Variants in NAV2 observed in about 807,000 individuals in gnomAD.
The protein encoded by NAV2 is helicase, APC down-regulated 1.
A neutral mutation model predicts 223.2 loss-of-function variants in NAV2; 54 were observed. The ratio of observed to expected loss-of-function variants is 0.24; its 90% CI spans 0.19 to 0.30. The LOEUF is 0.30. Ranked by LOEUF, NAV2 falls within the 10% of genes least tolerant of loss-of-function variation. The pLI, the probability that NAV2 is intolerant of heterozygous loss-of-function variation, is 1.00. For missense variants in NAV2, 2,806 were observed against 3,147.5 expected (o/e 0.89, Z 2.60); for synonymous variants, 1,279 against 1,239.3 (o/e 1.03, Z -0.67).
chr11:19,601,564 C>A (rs1211429233), intron 1 of NAV2, among the ~76,000 whole-genome samples: 1 of 152,028 alleles, frequency 6.6e-6, no homozygotes, highest in Non-Finnish European at 1.5e-5. Context: ...GACATGGTAC[C>A]CCATCTGGTA....
intron 1 of NAV2, among the ~76,000 whole-genome samples, chr11:19,660,732 A>G (rs910066104): frequency 5.9e-5 from 9 of 152,234 alleles, no homozygotes; most frequent in African/African-American, 1.7e-4. Context: ...ATAATATTGA[A>G]TATAATTTCT....
rs115555543 is a variant in NAV2, at chr11:19,419,527, G to A, written c.75+68500G>A. ...TGGCATGAGAAAGGAACCGTGGCAG[G>A]TGGGGCTTCGAGACCCGCTTCTCAG... is the stretch of plus-strand genomic sequence containing the variant. On this transcript the variant is annotated intron_variant, in intron 1 of 37. Transcript: ENST00000360655. 7.1e-3 allele frequency among the ~76,000 whole-genome samples: 1,087 copies of A among 152,284 alleles called. 12 individuals carry two copies. The highest frequency in any genetic ancestry group is 0.024 in the African/African-American group (1,018 of 41,554).
chr11:19,909,440 T>C (rs1310767314), intron 6 of NAV2, among the ~76,000 whole-genome samples: 1 of 152,204 alleles, frequency 6.6e-6, no homozygotes, highest in Non-Finnish European at 1.5e-5. Context: ...TTTTAAGTAA[T>C]GCCTGAGACG....
At chr11:19,826,900 C>T (rs920753401) in intron 1 of NAV2, among the ~76,000 whole-genome samples, 1 of 152,222 alleles carries the variant, frequency 6.6e-6, no homozygotes, top group African/African-American at 2.4e-5. Flanking sequence ...CACTTACCAG[C>T]CTCCTGCGGT....
At chr11:19,398,902 G>C (rs1849574230) in intron 1 of NAV2, among the ~76,000 whole-genome samples, 1 of 152,158 alleles carries the variant, frequency 6.6e-6, no homozygotes, top group Non-Finnish European at 1.5e-5. Context: ...CTGAACTCAG[G>C]GTCACTGTTG....
chr11:19,454,107 G>A (rs1311716820), intron 1 of NAV2, among the ~76,000 whole-genome samples: 6 of 152,166 alleles, frequency 3.9e-5, no homozygotes, highest in Admixed American at 6.5e-5. Flanking sequence ...AACACTCCCC[G>A]TCCCTGGAGG....
intron 11 of NAV2, among the ~76,000 whole-genome samples, chr11:20,030,107 G>T (rs925188892): frequency 6.6e-6 from 1 of 152,168 alleles, no homozygotes; most frequent in Non-Finnish European, 1.5e-5. Flanking sequence ...AGGCCGTGGG[G>T]TTGTTTTGCT....
intron 1 of NAV2, among the ~76,000 whole-genome samples, chr11:19,488,481 G>T (rs908602701): frequency 6.6e-6 from 1 of 152,144 alleles, no homozygotes; most frequent in African/African-American, 2.4e-5. Flanking sequence ...TGTATAGATG[G>T]CAAGATAAAG....
chr11:19,351,343 G>GC (rs1297436110), intron 1 of NAV2, among the ~76,000 whole-genome samples: 2 of 152,186 alleles, frequency 1.3e-5, no homozygotes, highest in Non-Finnish European at 2.9e-5. Flanking sequence ...TTGTACTGAA[G>GC]CCCCCTTCGG....
At chr11:19,778,928 G>A (rs118170182) in intron 1 of NAV2, among the ~76,000 whole-genome samples, 5,234 of 152,240 alleles carry the variant, frequency 0.034, 163 homozygotes, top group Middle Eastern at 0.034. Context: ...GGGTCAGGTT[G>A]CCAAACCTAA....
chr11:19,805,966 GT>G (rs1488343160), intron 1 of NAV2, among the ~76,000 whole-genome samples: 1 of 152,208 alleles, frequency 6.6e-6, no homozygotes, highest in Non-Finnish European at 1.5e-5. Flanking sequence ...AACCATGCGT[GT>G]CTGATTTCTG....
intron 1 of NAV2, among the ~76,000 whole-genome samples, chr11:19,446,840 AAAC>A (rs1851602804): frequency 6.6e-6 from 1 of 152,204 alleles, no homozygotes; most frequent in South Asian, 2.1e-4. Flanking sequence ...CATGACCCCC[AAAC>A]AACAGTGTGG....
intron 3 of NAV2, among the ~76,000 whole-genome samples, chr11:19,863,613 C>T (rs2061920480): frequency 6.6e-6 from 1 of 152,172 alleles, no homozygotes; most frequent in South Asian, 2.1e-4. Flanking sequence ...TGTGCTGCCT[C>T]TTCCTTAAGA....
chr11:19,428,788 GTTAAC>G (rs777469758), intron 1 of NAV2, among the ~76,000 whole-genome samples: 10 of 152,356 alleles, frequency 6.6e-5, no homozygotes, highest in Non-Finnish European at 1.0e-4. Context: ...AGGACTGACT[GTTAAC>G]TTGTGAAATG....
At chr11:19,444,791 T>A (rs1851526402) in intron 1 of NAV2, among the ~76,000 whole-genome samples, 1 of 152,108 alleles carries the variant, frequency 6.6e-6, no homozygotes. Context: ...GAGAGGTCGT[T>A]TTCAGGCTTT....
At chr11:19,567,234 C>G (rs2045295120) in intron 1 of NAV2, among the ~76,000 whole-genome samples, 1 of 152,172 alleles carries the variant, frequency 6.6e-6, no homozygotes, top group Non-Finnish European at 1.5e-5. Context: ...GGACTTCTTG[C>G]AGCCAAAGAA....
chr11:19,497,979 G>A (rs1319607858), intron 1 of NAV2, among the ~76,000 whole-genome samples: 1 of 152,208 alleles, frequency 6.6e-6, no homozygotes, highest in African/African-American at 2.4e-5. Context: ...GTAATTCTGA[G>A]GTCGTTTTGT....
At position 19,716,340 on chromosome 11, in the gene NAV2, T is replaced by A. The variant is rs547514325; in HGVS notation, c.267+2378T>A. Among the ~76,000 whole-genome samples, 5 of 152,300 alleles carry A rather than the reference T, an allele frequency of 3.3e-5. No homozygotes were observed. The South Asian group carries it at 6.2e-4, about 19-fold the overall frequency. On this transcript the variant is annotated intron_variant, in intron 1 of 37. Transcript: ENST00000349880. ...TAGCTAGGTGACCACCTTGATTAATTTCTTTGGGCTTTAGTGTTCTCATCT... is the reference window on the plus strand; with the variant it reads ...TAGCTAGGTGACCACCTTGATTAATATCTTTGGGCTTTAGTGTTCTCATCT...
At chr11:19,391,185 G>A (rs1398648156) in intron 1 of NAV2, among the ~76,000 whole-genome samples, 1 of 151,974 alleles carries the variant, frequency 6.6e-6, no homozygotes, top group Non-Finnish European at 1.5e-5. Context: ...CCTCACCTCT[G>A]GCCTTCACTA....
Sources: gnomAD v4.1 joint callset for allele counts (sites outside exome capture counted in the v4.1 genomes callset) on GRCh38, gnomAD v4.1.1 for gene constraint, MANE v1.5 for transcripts, NCBI Gene and HGNC (gene_info 2026-07-23, HGNC 2026-07-21) for gene names.